The following SLC6A13 variants were observed in gnomAD, a reference collection of about 807,000 sequenced individuals.
SLC6A13 encodes the protein solute carrier family 6 member 13.
A neutral mutation model predicts 72.9 loss-of-function variants in SLC6A13; 69 were observed. The observed-to-expected ratio is 0.95, with a 90% confidence interval of 0.78 to 1.16. SLC6A13 has a LOEUF of 1.16. SLC6A13 is among the 50% of genes most tolerant of loss of function. The probability of loss-of-function intolerance (pLI) is 0.00; values close to 1 mark genes in which losing one functional copy is unlikely to be tolerated. For synonymous variants in SLC6A13, 303 were observed against 303.0 expected (o/e 1.00, Z 0.00); for missense variants, 735 against 760.5 (o/e 0.97, Z 0.39).
At chr12:256,574 T>G (rs1471880501) in intron 2 of SLC6A13, 1 of 152,244 alleles carries the variant, frequency 6.6e-6, no homozygotes, top group Admixed American at 6.5e-5. Flanking sequence ...CTGTTTGCCT[T>G]GTGTTCTATC....
Position 221,476 on chromosome 12 carries a change from C to T in SLC6A13, c.1586G>A (p.Trp529Ter), listed in dbSNP as rs776142147. The T allele has an allele frequency of 1.2e-6, 2 of 1,613,782 alleles. No homozygotes were observed. Among genetic ancestry groups the T allele is most frequent in the South Asian group, 1.1e-5 (1 of 91,046 alleles). ...TYNKKYTYPWWGDALGWLLAL... is the reference protein window; with the variant it reads ...TYNKKYTYPW ...CAGGAGCCAGCCCAGGGCATCGCCCCACCACGGGTACGTGTACTTCTTGTT... is the reference window on the plus strand; with the variant it reads ...CAGGAGCCAGCCCAGGGCATCGCCCTACCACGGGTACGTGTACTTCTTGTT... The change falls in exon 14 of 15, where the codon TGG (tryptophan) becomes TAG (stop). Residue 529 changes from tryptophan (W) to a stop codon, truncating the protein, a stop_gained. Transcript: ENST00000343164. LOFTEE classifies it high-confidence loss of function.
At chr12:230,280 A>G (rs1349418961) in intron 7 of SLC6A13, among the ~76,000 whole-genome samples, 1 of 152,210 alleles carries the variant, frequency 6.6e-6, no homozygotes, top group Non-Finnish European at 1.5e-5. Flanking sequence ...GGGAAGGAGG[A>G]GGAGAGGGGA....
rs1456007173 is a variant in SLC6A13, at chr12:222,645, A to C, written c.1415-13T>G. On this transcript the variant is annotated splice_polypyrimidine_tract_variant and intron_variant, in intron 12 of 14. Transcript: ENST00000343164. ...AAGCGCTTGGCTCCTACCATGGAGA[A>C]AAGAAGAAGGAAGGAGGAGAAAGTC... 6.4e-7 allele frequency: 1 copy of C among 1,564,704 alleles called. No individual in the cohort carries two copies. The highest frequency in any genetic ancestry group is 1.3e-5 in the African/African-American group (1 of 74,282).
chr12:262,447 A>C (rs1942956493), intron 1 of SLC6A13, among the ~76,000 whole-genome samples: 2 of 152,202 alleles, frequency 1.3e-5, no homozygotes, highest in Non-Finnish European at 2.9e-5. Flanking sequence ...AATAACAGGT[A>C]CTCAAATTTT....
chr12:242,801 G>C (rs1267475159), intron 3 of SLC6A13, 47 bp from the exon 4 acceptor site: 9 of 1,540,308 alleles, frequency 5.8e-6, no homozygotes, highest in Non-Finnish European at 7.0e-6. Context: ...GACAGCGGTG[G>C]CGTGCACCTG....
chr12:222,913 A>G (rs987301091), intron 12 of SLC6A13, among the ~76,000 whole-genome samples: 2 of 152,176 alleles, frequency 1.3e-5, no homozygotes, highest in Middle Eastern at 3.2e-3. Flanking sequence ...GGCCCACCTG[A>G]GGTGGTCTAG....
intron 2 of SLC6A13, among the ~76,000 whole-genome samples, chr12:252,682 A>G (rs960211858): frequency 1.3e-5 from 2 of 152,240 alleles, no homozygotes; most frequent in African/African-American, 4.8e-5. Context: ...GGAAAACAGG[A>G]AAGATAGAAC....
chr12:234,998 T>C, intron 7 of SLC6A13, 92 bp downstream of exon 7: 6 of 1,460,402 alleles, frequency 4.1e-6, no homozygotes, highest in Non-Finnish European at 5.7e-6. Flanking sequence ...AGGGTAGTGC[T>C]AGGTGCGGGG....
chr12:262,702 G>A (rs749732901), intron 1 of SLC6A13, 87 bp downstream of exon 1: 26 of 985,194 alleles, frequency 2.6e-5, no homozygotes, highest in Non-Finnish European at 3.1e-5. Flanking sequence ...TAAGAAAAAA[G>A]TCCTTTGGTT....
At chr12:222,351 A>G (rs933198876) in intron 13 of SLC6A13, among the ~76,000 whole-genome samples, 181 bp downstream of exon 13, 1 of 152,204 alleles carries the variant, frequency 6.6e-6, no homozygotes, top group Non-Finnish European at 1.5e-5. Context: ...CCTTCTGTGA[A>G]ATGGAAAGGA....
chr12:231,989 T>C (rs1025310111), intron 7 of SLC6A13, among the ~76,000 whole-genome samples: 4 of 152,226 alleles, frequency 2.6e-5, no homozygotes, highest in Non-Finnish European at 4.4e-5. Context: ...CAGTTGCAGA[T>C]GTGAGGATGA....
intron 1 of SLC6A13, among the ~76,000 whole-genome samples, chr12:261,406 C>T (rs981098728): frequency 6.6e-6 from 1 of 152,244 alleles, no homozygotes; most frequent in Non-Finnish European, 1.5e-5. Context: ...CCTGCTCTTT[C>T]AGTTCCATCC....
At chr12:237,444 A>G (rs1244543710) in intron 5 of SLC6A13, among the ~76,000 whole-genome samples, 154 bp from the exon 6 acceptor site, 5 of 152,190 alleles carry the variant, frequency 3.3e-5, no homozygotes, top group Non-Finnish European at 7.3e-5. Flanking sequence ...CCAGAGCTGG[A>G]GGTGGACATA....
chr12:232,707 A>G (rs371698356), intron 7 of SLC6A13, among the ~76,000 whole-genome samples: 18 of 152,202 alleles, frequency 1.2e-4, no homozygotes, highest in African/African-American at 4.1e-4. Context: ...GAGAAATGGG[A>G]GAAGGGAAGG....
At chr12:246,173 C>G (rs1248357708) in intron 2 of SLC6A13, among the ~76,000 whole-genome samples, 3 of 99,078 alleles carry the variant, frequency 3.0e-5, no homozygotes, top group Admixed American at 2.8e-4. Context: ...CAAAAATTAG[C>G]TGGGCATGGT....
intron 4 of SLC6A13, 170 bp from the exon 5 acceptor site, chr12:238,180 T>C (rs1942011028): frequency 6.5e-7 from 1 of 1,532,836 alleles, no homozygotes; most frequent in African/African-American, 1.4e-5. Flanking sequence ...CCTCAACAAA[T>C]GCAGCTCACT....
intron 4 of SLC6A13, among the ~76,000 whole-genome samples, chr12:240,918 T>C (rs1187011105): frequency 6.6e-6 from 1 of 152,182 alleles, no homozygotes; most frequent in Non-Finnish European, 1.5e-5. Context: ...AGTCAGGTCA[T>C]GAAGGGATGA....
chr12:248,798 T>C (rs940003754), intron 2 of SLC6A13, among the ~76,000 whole-genome samples: 1 of 152,196 alleles, frequency 6.6e-6, no homozygotes, highest in Non-Finnish European at 1.5e-5. Flanking sequence ...TTGACATTTA[T>C]TGAACATTCT....
chr12:239,549 C>G (rs993722028), intron 4 of SLC6A13, among the ~76,000 whole-genome samples: 3 of 152,242 alleles, frequency 2.0e-5, no homozygotes, highest in African/African-American at 7.2e-5. Flanking sequence ...CTCACAGTCT[C>G]TGTTTTATTT....
Sources: gnomAD v4.1 joint callset for allele counts (sites outside exome capture counted in the v4.1 genomes callset) on GRCh38, gnomAD v4.1.1 for gene constraint, MANE v1.5 for transcripts, NCBI Gene and HGNC (gene_info 2026-07-23, HGNC 2026-07-21) for gene names.